Variants in GRIK2 observed in about 807,000 individuals in gnomAD.
GRIK2 encodes the protein glutamate ionotropic receptor kainate type subunit 2.
Under a neutral mutation model 100.3 loss-of-function variants are expected in GRIK2, and 32 were observed. The ratio of observed to expected loss-of-function variants is 0.32; its 90% CI spans 0.24 to 0.43. The LOEUF is 0.43. Ranked by LOEUF, GRIK2 falls within the 20% of genes least tolerant of loss-of-function variation. The pLI is 1.00. For synonymous variants in GRIK2, 417 were observed against 389.4 expected (o/e 1.07, Z -0.83); for missense variants, 843 against 1,114.9 (o/e 0.76, Z 3.47).
At chr6:102,004,571 C>T (rs1457258068) in intron 14 of GRIK2, among the ~76,000 whole-genome samples, 3 of 151,906 alleles carry the variant, frequency 2.0e-5, no homozygotes, top group Non-Finnish European at 4.4e-5. Context: ...GTTAAAATTA[C>T]TAAATCCATA....
chr6:101,767,001 A>G (rs1388349402), intron 7 of GRIK2, among the ~76,000 whole-genome samples: 1 of 152,188 alleles, frequency 6.6e-6, no homozygotes, highest in Non-Finnish European at 1.5e-5. Context: ...TATGTAACCT[A>G]GCAATCTTGG....
At chr6:101,801,484 A>T (rs1780665616) in intron 8 of GRIK2, among the ~76,000 whole-genome samples, 1 of 152,116 alleles carries the variant, frequency 6.6e-6, no homozygotes, top group East Asian at 1.9e-4. Context: ...TAGTAATATT[A>T]ATTTCAAATC....
intron 14 of GRIK2, among the ~76,000 whole-genome samples, chr6:101,935,225 G>C (rs1408329119): frequency 6.6e-6 from 1 of 151,888 alleles, no homozygotes; most frequent in African/African-American, 2.4e-5. Flanking sequence ...TAAGTATAGG[G>C]AGGATGTGTA....
rs1776133295 is a variant in GRIK2, at chr6:101,544,226, G to T, written c.116-77723G>T. Among the ~76,000 whole-genome samples the T allele has an allele frequency of 3.3e-5, 5 of 151,956 alleles. No homozygotes were observed. The South Asian group carries it at 1.0e-3, about 32-fold the overall frequency. On this transcript the variant is annotated intron_variant, in intron 2 of 16. Transcript: ENST00000369134. Reference sequence around the variant, plus strand: ...TTTTTAATAACAATTTGGAGAAAAAGATCACCCAGTGGCAATATTTTTATC... The same window carrying T: ...TTTTTAATAACAATTTGGAGAAAAATATCACCCAGTGGCAATATTTTTATC...
intron 14 of GRIK2, among the ~76,000 whole-genome samples, chr6:101,967,965 GA>G (rs1055881729): frequency 2.4e-4 from 37 of 151,564 alleles, no homozygotes; most frequent in Non-Finnish European, 4.7e-4. Flanking sequence ...GAAATAGGAG[GA>G]AAAAAGAACT....
chr6:101,737,782 G>A (rs558371432), intron 7 of GRIK2, among the ~76,000 whole-genome samples: 2 of 152,242 alleles, frequency 1.3e-5, no homozygotes, highest in East Asian at 3.9e-4. Context: ...TTTTACATCT[G>A]TCTACAAAGT....
Position 101,838,859 on chromosome 6 carries a change from G to A in GRIK2, c.1317+20376G>A, listed in dbSNP as rs184271605. Among the ~76,000 whole-genome samples, 23 of 152,052 alleles carry A rather than the reference G, an allele frequency of 1.5e-4. 1 individual carries two copies. The highest frequency in any genetic ancestry group is 6.8e-3 in the Middle Eastern group (2 of 294). On this transcript the variant is annotated intron_variant, in intron 10 of 16. Transcript: ENST00000369134. Reference sequence around the variant, plus strand: ...GTAGAGACGAGGTTTCACCATTTTGGCCAGGCTGGTCTCAAACTCTTGACC... The same window carrying A: ...GTAGAGACGAGGTTTCACCATTTTGACCAGGCTGGTCTCAAACTCTTGACC...
At chr6:101,776,827 T>A (rs1269956869) in intron 7 of GRIK2, among the ~76,000 whole-genome samples, 1 of 152,186 alleles carries the variant, frequency 6.6e-6, no homozygotes, top group African/African-American at 2.4e-5. Context: ...TCCTCCATGC[T>A]CCTTTGCCAT....
intron 12 of GRIK2, among the ~76,000 whole-genome samples, chr6:101,920,711 G>T (rs973890201): frequency 8.9e-5 from 12 of 135,204 alleles, no homozygotes; most frequent in Non-Finnish European, 1.9e-4. Flanking sequence ...GCAAAGAAAT[G>T]AATAAGAATA....
chr6:101,811,148 C>G (rs1020433605), intron 9 of GRIK2, among the ~76,000 whole-genome samples: 2 of 152,110 alleles, frequency 1.3e-5, no homozygotes, highest in African/African-American at 4.8e-5. Flanking sequence ...CAACTCATTA[C>G]TGGAAAGAAA....
intron 2 of GRIK2, among the ~76,000 whole-genome samples, chr6:101,621,594 T>G (rs1780162726): frequency 6.6e-6 from 1 of 152,130 alleles, no homozygotes; most frequent in African/African-American, 2.4e-5. Flanking sequence ...TTGGGGGGGA[T>G]AAATTTCAGT....
chr6:101,486,393 G>GT (rs1249629359), intron 2 of GRIK2, among the ~76,000 whole-genome samples: 1 of 139,160 alleles, frequency 7.2e-6, no homozygotes, highest in African/African-American at 2.6e-5. Context: ...GGGTGGGGCG[G>GT]GGGGGGGAAG....
intron 2 of GRIK2, among the ~76,000 whole-genome samples, chr6:101,512,557 CA>C (rs1774374139): frequency 6.6e-6 from 1 of 152,154 alleles, no homozygotes; most frequent in Admixed American, 6.6e-5. Flanking sequence ...AAAGTAGCCA[CA>C]TGATGCTAAA....
intron 4 of GRIK2, among the ~76,000 whole-genome samples, chr6:101,656,312 A>G (rs1242614290): frequency 6.6e-6 from 1 of 151,904 alleles, no homozygotes; most frequent in Non-Finnish European, 1.5e-5. Flanking sequence ...CAAAAAAAAA[A>G]AAAAGAAAAA....
intron 2 of GRIK2, among the ~76,000 whole-genome samples, chr6:101,586,892 C>CA (rs1199378638): frequency 0.05 from 2,723 of 53,928 alleles, 85 homozygotes; most frequent in African/African-American, 0.059. Context: ...TCTGTCTTAA[C>CA]AAAAAAAAAA....
intron 7 of GRIK2, among the ~76,000 whole-genome samples, chr6:101,798,079 T>C (rs1780436204): frequency 6.6e-6 from 1 of 151,058 alleles, no homozygotes; most frequent in Non-Finnish European, 1.5e-5. Flanking sequence ...ACAATGGATA[T>C]GTAGCCTTCA....
At chr6:101,512,238 A>G (rs1323908957) in intron 2 of GRIK2, among the ~76,000 whole-genome samples, 3 of 152,042 alleles carry the variant, frequency 2.0e-5, no homozygotes, top group Admixed American at 6.6e-5. Flanking sequence ...CATTCATGGT[A>G]TGTTTATATG....
intron 14 of GRIK2, among the ~76,000 whole-genome samples, chr6:102,001,157 A>C (rs916997115): frequency 6.6e-6 from 1 of 151,722 alleles, no homozygotes; most frequent in Non-Finnish European, 1.5e-5. Flanking sequence ...CTAGGTGCCC[A>C]ACACTGTTCC....
intron 2 of GRIK2, among the ~76,000 whole-genome samples, chr6:101,572,815 A>ATTATTTATTTATTTAT (rs3056164): frequency 4.6e-5 from 5 of 109,852 alleles, no homozygotes; most frequent in East Asian, 2.6e-4. Context: ...ATTGTTGTTT[A>ATTATTTATTTATTTAT]TTATTTATTT....
Sources: allele counts gnomAD v4.1 joint callset (sites outside exome capture counted in the v4.1 genomes callset), GRCh38; gene constraint gnomAD v4.1.1; transcripts MANE v1.5; gene names NCBI Gene and HGNC (gene_info 2026-07-23, HGNC 2026-07-21).